Variants in MAGI2 observed in about 807,000 individuals in gnomAD.
MAGI2 encodes membrane associated guanylate kinase, WW and PDZ domain containing 2.
A neutral mutation model predicts 133.3 loss-of-function variants in MAGI2; 35 were observed. That is an observed-to-expected ratio of 0.26 (90% CI 0.20 to 0.35). The LOEUF is 0.35. MAGI2 is among the 10% of genes least tolerant of loss of function. The pLI is 1.00. For missense variants in MAGI2, 1,636 were observed against 1,863.4 expected (o/e 0.88, Z 2.25); for synonymous variants, 729 against 710.6 (o/e 1.03, Z -0.41).
intron 3 of MAGI2, among the ~76,000 whole-genome samples, chr7:78,623,913 C>T (rs1460582684): frequency 1.3e-5 from 2 of 152,082 alleles, no homozygotes; most frequent in East Asian, 1.9e-4. Flanking sequence ...ATGCATCACT[C>T]ATTTGTGTTT....
At chr7:79,272,159 C>T (rs1834925726) in intron 1 of MAGI2, among the ~76,000 whole-genome samples, 1 of 152,014 alleles carries the variant, frequency 6.6e-6, no homozygotes, top group Non-Finnish European at 1.5e-5. Flanking sequence ...ATAATTTCAA[C>T]ACCAAGAAAT....
chr7:78,908,750 C>A (rs1250685425), intron 2 of MAGI2, among the ~76,000 whole-genome samples: 2 of 151,992 alleles, frequency 1.3e-5, no homozygotes, highest in Non-Finnish European at 2.9e-5. Flanking sequence ...TGTCTGGAAC[C>A]AATTAACATG....
At chr7:78,630,413 C>CTTTTTTTT (rs35696228) in intron 2 of MAGI2, among the ~76,000 whole-genome samples, 5 of 112,340 alleles carry the variant, frequency 4.5e-5, no homozygotes, top group African/African-American at 1.7e-4. Context: ...TTGTGTTTAA[C>CTTTTTTTT]TTTTTTTTTT....
At chr7:78,469,870 CCTTT>C (rs1295656654) in intron 6 of MAGI2, among the ~76,000 whole-genome samples, 1 of 152,138 alleles carries the variant, frequency 6.6e-6, no homozygotes, top group African/African-American at 2.4e-5. Flanking sequence ...GAAAGGAAAT[CCTTT>C]CTTTATTTTT....
At chr7:78,553,581 AAGTT>A (rs1483660044) in intron 3 of MAGI2, among the ~76,000 whole-genome samples, 1 of 152,166 alleles carries the variant, frequency 6.6e-6, no homozygotes, top group African/African-American at 2.4e-5. Context: ...AAATGATCCC[AAGTT>A]AGTTAGATGA....
chr7:78,586,351 G>A (rs1042342239), intron 3 of MAGI2, among the ~76,000 whole-genome samples: 5 of 152,048 alleles, frequency 3.3e-5, no homozygotes, highest in African/African-American at 1.2e-4. Context: ...TTCCAGCTAA[G>A]AGTCCCCCCC....
At chr7:78,842,716 A>G (rs1429844561) in intron 2 of MAGI2, among the ~76,000 whole-genome samples, 1 of 151,886 alleles carries the variant, frequency 6.6e-6, no homozygotes, top group African/African-American at 2.4e-5. Context: ...TATGGTGTCA[A>G]TGAGAAACTG....
chr7:78,242,657 T>C (rs1791281729), intron 10 of MAGI2, among the ~76,000 whole-genome samples: 1 of 152,238 alleles, frequency 6.6e-6, no homozygotes, highest in Admixed American at 6.5e-5. Context: ...TGCTTTTCTC[T>C]CTCAGTAACG....
At chr7:78,971,524 C>T (rs1803782708) in intron 2 of MAGI2, among the ~76,000 whole-genome samples, 1 of 151,960 alleles carries the variant, frequency 6.6e-6, no homozygotes, top group South Asian at 2.1e-4. Flanking sequence ...AGTTAATTTG[C>T]ATTTCACATA....
intron 21 of MAGI2, among the ~76,000 whole-genome samples, chr7:78,047,047 T>C (rs977683200): frequency 2.6e-5 from 4 of 152,210 alleles, no homozygotes; most frequent in Non-Finnish European, 5.9e-5. Context: ...TTGATCTCTA[T>C]AGAGTCCAAA....
intron 1 of MAGI2, among the ~76,000 whole-genome samples, chr7:79,452,352 C>T (rs1335676526): frequency 6.6e-6 from 1 of 152,188 alleles, no homozygotes; most frequent in Non-Finnish European, 1.5e-5. Context: ...AGTCAGTACG[C>T]ACGTGACGCG....
chr7:78,478,607 C>T (rs1792025067), intron 6 of MAGI2, among the ~76,000 whole-genome samples: 1 of 151,258 alleles, frequency 6.6e-6, no homozygotes, highest in East Asian at 1.9e-4. Context: ...CATATTTAGA[C>T]ATCTGGTTCC....
At chr7:78,703,600 A>T (rs1818296244) in intron 2 of MAGI2, among the ~76,000 whole-genome samples, 1 of 152,056 alleles carries the variant, frequency 6.6e-6, no homozygotes, top group African/African-American at 2.4e-5. Context: ...TCCAAAAAGC[A>T]CTTCCCTATA....
intron 2 of MAGI2, among the ~76,000 whole-genome samples, chr7:78,882,962 A>C (rs1795991539): frequency 6.6e-6 from 1 of 152,074 alleles, no homozygotes. Context: ...AAGGATGCCC[A>C]CTCTCACTAC....
chr7:78,568,761 CTG>C (rs1436998613), intron 3 of MAGI2, among the ~76,000 whole-genome samples: 2 of 152,084 alleles, frequency 1.3e-5, no homozygotes, highest in East Asian at 3.9e-4. Flanking sequence ...TGCATACAAT[CTG>C]TGTTTGTAAA....
In MAGI2 at chr7:78,086,641, A is replaced by T. The variant is rs1468976767; in HGVS notation, c.3568-7556T>A. On this transcript the variant is annotated intron_variant, in intron 20 of 21. Coordinates refer to ENST00000354212, the MANE Select transcript of MAGI2 (RefSeq NM_012301.4). ...GTGATCACTTCCCATTATTATTATTATTTTTTTTTTTGAGATAGGGTCTCA... is the reference window on the plus strand; with the variant it reads ...GTGATCACTTCCCATTATTATTATTTTTTTTTTTTTTGAGATAGGGTCTCA... Among the ~76,000 whole-genome samples the T allele has an allele frequency of 1.1e-4, 13 of 116,346 alleles. No individual in the cohort carries two copies. The South Asian group carries it at 2.1e-3, about 19-fold the overall frequency. 76.3% of individuals were successfully genotyped at this position (116,346 alleles called of 152,430 possible).
chr7:79,360,843 G>A lies in MAGI2; in HGVS notation c.301+92177C>T, dbSNP rs528802187. ...GAAGCAAACAAAAACAAATAGAAAA[G>A]AAGAAATAAGGTGGTAGATTTAAAT... On this transcript the variant is annotated intron_variant, in intron 1 of 21. Coordinates refer to ENST00000354212, the MANE Select transcript of MAGI2 (RefSeq NM_012301.4). 9.9e-5 allele frequency among the ~76,000 whole-genome samples: 15 copies of A among 152,102 alleles called. No homozygotes were observed. In the South Asian group the frequency reaches 2.7e-3, roughly 27 times the overall value.
chr7:78,677,187 A>G (rs1455244948), intron 2 of MAGI2, among the ~76,000 whole-genome samples: 2 of 152,116 alleles, frequency 1.3e-5, no homozygotes, highest in African/African-American at 4.8e-5. Context: ...GCAGTTACAT[A>G]GTAATATCAG....
At chr7:79,375,265 A>T (rs1451490958) in intron 1 of MAGI2, among the ~76,000 whole-genome samples, 1 of 151,964 alleles carries the variant, frequency 6.6e-6, no homozygotes, top group Non-Finnish European at 1.5e-5. Flanking sequence ...CCCATCAGAA[A>T]GATTTTGGCA....
Sources: gnomAD v4.1 joint callset for allele counts (sites outside exome capture counted in the v4.1 genomes callset) on GRCh38, gnomAD v4.1.1 for gene constraint, MANE v1.5 for transcripts, NCBI Gene and HGNC (gene_info 2026-07-23, HGNC 2026-07-21) for gene names.